PDZRN4: variants seen among roughly 807,000 people sequenced by gnomAD.
PDZRN4 encodes the protein PDZ domain-containing RING finger protein 4.
Under a neutral mutation model 99.0 loss-of-function variants are expected in PDZRN4, and 70 were observed. The observed-to-expected ratio is 0.71, with a 90% confidence interval of 0.58 to 0.86. The LOEUF is 0.86. Among genes scored for constraint, PDZRN4 ranks in the 40% least tolerant of loss-of-function variants. The pLI, the probability that PDZRN4 is intolerant of heterozygous loss-of-function variation, is 0.00. For missense variants in PDZRN4, 1,474 were observed against 1,331.2 expected, an observed-to-expected ratio of 1.11 and a Z score of -1.67; for synonymous variants, 551 against 501.6, an observed-to-expected ratio of 1.10 and a Z score of -1.32.
At chr12:41,526,835 T>C (rs1938576181) in intron 5 of PDZRN4, among the ~76,000 whole-genome samples, 1 of 152,238 alleles carries the variant, frequency 6.6e-6, no homozygotes, top group Non-Finnish European at 1.5e-5. Context: ...TTACTAAATT[T>C]TGCTCTTACA....
intron 3 of PDZRN4, among the ~76,000 whole-genome samples, chr12:41,303,715 A>G (rs749408361): frequency 6.6e-6 from 1 of 152,162 alleles, no homozygotes; most frequent in Non-Finnish European, 1.5e-5. Flanking sequence ...GACCTGTGGC[A>G]TGCACCTAGG....
chr12:41,286,453 T>A (rs546719908), intron 3 of PDZRN4, among the ~76,000 whole-genome samples: 7 of 151,366 alleles, frequency 4.6e-5, no homozygotes, highest in Non-Finnish European at 1.0e-4. Flanking sequence ...CTCTATTTTT[T>A]AAAAAACATT....
chr12:41,322,640 A>T (rs564223852), intron 3 of PDZRN4, among the ~76,000 whole-genome samples: 1 of 150,720 alleles, frequency 6.6e-6, no homozygotes, highest in African/African-American at 2.4e-5. Context: ...ACAGGTGCCC[A>T]CCACCACGCC....
intron 3 of PDZRN4, among the ~76,000 whole-genome samples, chr12:41,318,441 T>G (rs190115133): frequency 2.6e-5 from 4 of 152,114 alleles, no homozygotes; most frequent in East Asian, 1.9e-4. Context: ...AAGAAGAAAA[T>G]AAGAATTAAC....
At chr12:41,234,990 C>A (rs1212216720) in intron 3 of PDZRN4, among the ~76,000 whole-genome samples, 1 of 152,076 alleles carries the variant, frequency 6.6e-6, no homozygotes, top group African/African-American at 2.4e-5. Flanking sequence ...AATGACCCCA[C>A]TAACCTACAC....
chr12:41,418,842 G>A (rs781290804), intron 3 of PDZRN4, among the ~76,000 whole-genome samples: 2 of 152,154 alleles, frequency 1.3e-5, no homozygotes, highest in African/African-American at 2.4e-5. Context: ...GGGTGTAGGT[G>A]TCAGCTGGGG....
intron 3 of PDZRN4, among the ~76,000 whole-genome samples, chr12:41,468,136 G>A (rs774558952): frequency 3.3e-5 from 5 of 152,182 alleles, no homozygotes; most frequent in Non-Finnish European, 7.3e-5. Flanking sequence ...TGTAATAGGA[G>A]TGTGGGCAAA....
chr12:41,567,993 G>T, intron 9 of PDZRN4, 94 bp downstream of exon 9: 2 of 719,170 alleles, frequency 2.8e-6, no homozygotes, highest in Admixed American at 2.5e-5. Flanking sequence ...AAATCAAAGG[G>T]TTTAATCCAT....
At position 41,188,461 on chromosome 12, in the gene PDZRN4, C is replaced by T; in HGVS notation, c.6C>T (p.Gly2=). 1 of 1,585,568 alleles carries T rather than the reference C, an allele frequency of 6.3e-7. No homozygotes were observed. Among genetic ancestry groups the T allele is most frequent in the Non-Finnish European group, 8.5e-7 (1 of 1,173,552 alleles). M[G]FALERFAEAV... Reference sequence around the variant, plus strand: ...CTTTCTTCCCCATCCCTAACATGGGCTTTGCCCTGGAGCGCTTCGCAGAAG... The same window carrying T: ...CTTTCTTCCCCATCCCTAACATGGGTTTTGCCCTGGAGCGCTTCGCAGAAG... The change falls in exon 1 of 10, where the codon GGC becomes GGT. Residue 2 remains glycine (G), a synonymous_variant. Coordinates refer to ENST00000402685, the MANE Select transcript of PDZRN4 (RefSeq NM_001164595.2).
intron 3 of PDZRN4, among the ~76,000 whole-genome samples, chr12:41,421,983 T>G (rs1592053544): frequency 6.6e-6 from 1 of 152,192 alleles, no homozygotes; most frequent in Non-Finnish European, 1.5e-5. Context: ...TATTTAATTA[T>G]TTAAGATGAG....
At chr12:41,408,883 C>T (rs543252707) in intron 3 of PDZRN4, among the ~76,000 whole-genome samples, 27 of 151,796 alleles carry the variant, frequency 1.8e-4, no homozygotes, top group African/African-American at 5.6e-4. Context: ...CCTTATTACT[C>T]TTGGGGCCAG....
intron 5 of PDZRN4, among the ~76,000 whole-genome samples, chr12:41,548,798 T>C (rs1022683475): frequency 6.6e-6 from 1 of 152,128 alleles, no homozygotes; most frequent in Non-Finnish European, 1.5e-5. Flanking sequence ...CACAAAAAAA[T>C]ATAAAAATTT....
chr12:41,305,411 T>G (rs1951562429), intron 3 of PDZRN4, among the ~76,000 whole-genome samples: 1 of 152,200 alleles, frequency 6.6e-6, no homozygotes, highest in Non-Finnish European at 1.5e-5. Flanking sequence ...TTTATGTCAA[T>G]CAACTCGAGT....
At chr12:41,555,956 A>C (rs917223403) in intron 7 of PDZRN4, among the ~76,000 whole-genome samples, 196 bp downstream of exon 7, 3 of 152,124 alleles carry the variant, frequency 2.0e-5, no homozygotes, top group Admixed American at 1.3e-4. Flanking sequence ...ATTAGCTAAT[A>C]ATTAGTGGTT....
intron 3 of PDZRN4, among the ~76,000 whole-genome samples, chr12:41,469,917 G>T (rs1004964372): frequency 6.6e-6 from 1 of 151,848 alleles, no homozygotes; most frequent in African/African-American, 2.4e-5. Flanking sequence ...GTGACAGAGC[G>T]AGACTCCATC....
intron 3 of PDZRN4, among the ~76,000 whole-genome samples, chr12:41,496,221 G>C (rs1937999966): frequency 1.3e-5 from 2 of 152,082 alleles, no homozygotes; most frequent in African/African-American, 4.8e-5. Flanking sequence ...GTGCGAACTA[G>C]TATTACTGTC....
chr12:41,401,531 T>G (rs1262422802), intron 3 of PDZRN4, among the ~76,000 whole-genome samples: 4 of 152,154 alleles, frequency 2.6e-5, no homozygotes, highest in Non-Finnish European at 2.9e-5. Context: ...CCTCAGTTTC[T>G]TCCTCGCTTG....
At chr12:41,336,479 C>A (rs1327465211) in intron 3 of PDZRN4, among the ~76,000 whole-genome samples, 1 of 146,406 alleles carries the variant, frequency 6.8e-6, no homozygotes, top group Admixed American at 6.9e-5. Flanking sequence ...AGAATTTGAA[C>A]ATAGTAGCCA....
At chr12:41,286,826 C>T (rs189370827) in intron 3 of PDZRN4, among the ~76,000 whole-genome samples, 49 of 152,304 alleles carry the variant, frequency 3.2e-4, no homozygotes, top group African/African-American at 1.2e-3. Context: ...ACACCCCATA[C>T]ATGCGAAGTT....
Sources: allele counts gnomAD v4.1 joint callset (sites outside exome capture counted in the v4.1 genomes callset), GRCh38; gene constraint gnomAD v4.1.1; transcripts MANE v1.5; gene names NCBI Gene and HGNC (gene_info 2026-07-23, HGNC 2026-07-21).